Variants in XKR9 observed in about 807,000 individuals in gnomAD.
XKR9 encodes the protein XK related 9.
In XKR9, 32 loss-of-function variants were observed where a neutral mutation model predicts 32.0. The observed-to-expected ratio is 1.00, with a 90% CI of 0.76 to 1.34. XKR9 has a LOEUF of 1.34. Ranked by LOEUF, XKR9 falls within the 40% of genes most tolerant of loss-of-function variation. XKR9 has a pLI of 0.00. For missense variants in XKR9, 546 were observed against 429.7 expected, an observed-to-expected ratio of 1.27 and a Z score of -2.39; for synonymous variants, 168 against 143.4, an observed-to-expected ratio of 1.17 and a Z score of -1.22.
chr8:71,004,087 A>T, the XKR9 span, among the ~76,000 whole-genome samples: 1 of 152,184 alleles, frequency 6.6e-6, no homozygotes, highest in Admixed American at 6.5e-5. Flanking sequence ...AGGCATGGGG[A>T]TGGGAGAAAG....
At chr8:70,736,196 G>A (rs539152203), downstream of XKR9, among the ~76,000 whole-genome samples, 1 of 152,192 alleles carries the variant, frequency 6.6e-6, no homozygotes, top group African/African-American at 2.4e-5. Context: ...GTTTTGATTT[G>A]CATTTCTCTG....
chr8:70,689,585 A>G (rs1039571918), intron 3 of XKR9, among the ~76,000 whole-genome samples: 2 of 151,382 alleles, frequency 1.3e-5, no homozygotes, highest in African/African-American at 2.4e-5. Context: ...TATGCACACA[A>G]TTTTTAAGTG....
chr8:70,963,150 T>A, the XKR9 span, among the ~76,000 whole-genome samples: 2 of 151,958 alleles, frequency 1.3e-5, no homozygotes, highest in African/African-American at 4.8e-5. Context: ...CCAGTGTGTG[T>A]TGCTCCCACC....
the XKR9 span, among the ~76,000 whole-genome samples, chr8:70,953,526 G>A: frequency 6.6e-6 from 1 of 152,048 alleles, no homozygotes; most frequent in Non-Finnish European, 1.5e-5. Context: ...TGCCCAGGCT[G>A]GTCTTGAACT....
the XKR9 span, among the ~76,000 whole-genome samples, chr8:71,035,335 C>T: frequency 6.6e-6 from 1 of 152,150 alleles, no homozygotes; most frequent in Admixed American, 6.5e-5. Flanking sequence ...CCTCATTGTT[C>T]TCTACTTGAT....
the XKR9 span, among the ~76,000 whole-genome samples, chr8:70,964,521 A>G: frequency 6.6e-6 from 1 of 152,218 alleles, no homozygotes; most frequent in Non-Finnish European, 1.5e-5. Flanking sequence ...TGGTAGTTTA[A>G]TAGGAATAGC....
chr8:70,739,278 C>G (rs1221768977), downstream of XKR9, among the ~76,000 whole-genome samples: 1 of 152,132 alleles, frequency 6.6e-6, no homozygotes, highest in South Asian at 2.1e-4. Context: ...TTATCAGAGA[C>G]TATGATTGCA....
At chr8:70,917,743 G>A in the XKR9 span, among the ~76,000 whole-genome samples, 31 of 152,300 alleles carry the variant, frequency 2.0e-4, no homozygotes, top group Middle Eastern at 0.01. Flanking sequence ...TGAGTTTTAA[G>A]CCAGATTACC....
At chr8:70,890,682 A>C in the XKR9 span, among the ~76,000 whole-genome samples, 2 of 151,924 alleles carry the variant, frequency 1.3e-5, no homozygotes, top group Admixed American at 6.6e-5. Context: ...GATCTTTTTA[A>C]TGTGTCACCA....
chr8:70,826,048 GA>G, the XKR9 span, among the ~76,000 whole-genome samples: 1 of 152,066 alleles, frequency 6.6e-6, no homozygotes, highest in Non-Finnish European at 1.5e-5. Context: ...TAGACTTAGA[GA>G]CCTCAGAATA....
At chr8:70,815,680 C>A in the XKR9 span, among the ~76,000 whole-genome samples, 1 of 151,930 alleles carries the variant, frequency 6.6e-6, no homozygotes, top group East Asian at 1.9e-4. Flanking sequence ...CGCCCGCCAC[C>A]ATGCCCAGCT....
chr8:70,886,591 G>A, the XKR9 span, among the ~76,000 whole-genome samples: 27 of 152,240 alleles, frequency 1.8e-4, no homozygotes, highest in African/African-American at 5.5e-4. Context: ...TCTAACTGGC[G>A]TGAGATGGTA....
chr8:70,915,740 C>T, the XKR9 span, among the ~76,000 whole-genome samples: 1 of 152,100 alleles, frequency 6.6e-6, no homozygotes, highest in Admixed American at 6.6e-5. Context: ...TATTACACTC[C>T]AAAATATACT....
intron 2 of XKR9, among the ~76,000 whole-genome samples, chr8:70,758,559 A>G (rs920146725): frequency 2.6e-5 from 4 of 152,176 alleles, no homozygotes; most frequent in East Asian, 1.9e-4. Context: ...TTTAAAAAAT[A>G]TGGGATTACC....
At chr8:70,890,865 G>T in the XKR9 span, among the ~76,000 whole-genome samples, 1 of 151,906 alleles carries the variant, frequency 6.6e-6, no homozygotes, top group Non-Finnish European at 1.5e-5. Flanking sequence ...AGTTTAAAAA[G>T]TCTTGGTATT....
the XKR9 span, among the ~76,000 whole-genome samples, chr8:70,799,098 AG>A: frequency 6.6e-6 from 1 of 152,112 alleles, no homozygotes; most frequent in African/African-American, 2.4e-5. Context: ...TGTTATTGGT[AG>A]TTTGATAGGA....
chr8:71,063,000 T>G, the XKR9 span, among the ~76,000 whole-genome samples: 2 of 152,134 alleles, frequency 1.3e-5, no homozygotes, highest in Non-Finnish European at 2.9e-5. Flanking sequence ...GCAGATGTAT[T>G]CTTGCACTTA....
the XKR9 span, among the ~76,000 whole-genome samples, chr8:70,970,159 G>A: frequency 4.6e-5 from 7 of 152,076 alleles, no homozygotes; most frequent in Non-Finnish European, 1.0e-4. Context: ...GGGCATTTGG[G>A]TGGTACCATA....
At chr8:70,893,254 G>T in the XKR9 span, among the ~76,000 whole-genome samples, 1 of 151,968 alleles carries the variant, frequency 6.6e-6, no homozygotes, top group Non-Finnish European at 1.5e-5. Context: ...TTCTGATTTT[G>T]TTGAATTGTT....
Sources: gnomAD v4.1 joint callset for allele counts (sites outside exome capture counted in the v4.1 genomes callset) on GRCh38, gnomAD v4.1.1 for gene constraint, MANE v1.5 for transcripts, NCBI Gene and HGNC (gene_info 2026-07-23, HGNC 2026-07-21) for gene names.